NEDD9: variants seen among roughly 807,000 people sequenced by gnomAD.
NEDD9 encodes neural precursor cell expressed, developmentally down-regulated 9.
NEDD9 carries 26 observed loss-of-function variants against 76.6 expected under a neutral mutation model. The ratio of observed to expected loss-of-function variants is 0.34; its 90% CI spans 0.25 to 0.47. The LOEUF (loss-of-function observed/expected upper bound fraction) is 0.47. Ranked by LOEUF, NEDD9 falls within the 20% of genes least tolerant of loss-of-function variation. The pLI, the probability that NEDD9 is intolerant of heterozygous loss-of-function variation, is 1.00. For synonymous variants in NEDD9, 392 were observed against 414.2 expected, an observed-to-expected ratio of 0.95 and a Z score of 0.65; for missense variants, 937 against 1,058.5, an observed-to-expected ratio of 0.89 and a Z score of 1.59.
chr6:11,367,690 T>TC (rs56948572), intron 1 of NEDD9, among the ~76,000 whole-genome samples: 40,032 of 152,068 alleles, frequency 0.26, 6,506 homozygotes, highest in African/African-American at 0.47. Flanking sequence ...AACTTATTTT[T>TC]AGTGGAAAGT....
At chr6:11,195,770 G>C (rs969573531) in intron 2 of NEDD9, among the ~76,000 whole-genome samples, 56 of 152,366 alleles carry the variant, frequency 3.7e-4, no homozygotes, top group African/African-American at 1.3e-3. Flanking sequence ...CAAGGCGGGA[G>C]AATCACCTAA....
At chr6:11,232,152 C>A (rs767966031) in intron 1 of NEDD9, among the ~76,000 whole-genome samples, 1 of 152,194 alleles carries the variant, frequency 6.6e-6, no homozygotes, top group Non-Finnish European at 1.5e-5. Flanking sequence ...GAAGCCAGGC[C>A]TGGGGAAGCC....
At chr6:11,353,109 T>C (rs1011339963) in intron 1 of NEDD9, among the ~76,000 whole-genome samples, 2 of 152,240 alleles carry the variant, frequency 1.3e-5, no homozygotes, top group Non-Finnish European at 2.9e-5. Context: ...GAACATCCTC[T>C]GAGAACATCA....
In NEDD9 at chr6:11,185,524, A is replaced by G; in HGVS notation, c.2143T>C (p.Cys715Arg). 2 of 1,614,188 alleles carry G rather than the reference A, an allele frequency of 1.2e-6. No individual in the cohort carries two copies. Among genetic ancestry groups the G allele is most frequent in the Non-Finnish European group, 1.7e-6 (2 of 1,180,030 alleles). Reference sequence around the variant, plus strand: ...AGAAGGGAAATGAAATGGGTCTCACATTGGTCATAGTAGAAGCACAGCAAC... The same window carrying G: ...AGAAGGGAAATGAAATGGGTCTCACGTTGGTCATAGTAGAAGCACAGCAAC... ...RQLLCFYYDQ[C>R]ETHFISLLNA... Residue 715 changes from cysteine to arginine, a missense_variant, in exon 7 of 7, where the codon TGT becomes CGT. By Grantham distance (180) the Cys-to-Arg change is radical. Coordinates refer to ENST00000379446, the MANE Select transcript of NEDD9 (RefSeq NM_006403.4).
At chr6:11,187,300 T>C (rs1230133503) in intron 6 of NEDD9, among the ~76,000 whole-genome samples, 1 of 152,206 alleles carries the variant, frequency 6.6e-6, no homozygotes, top group Non-Finnish European at 1.5e-5. Context: ...AAAAGGCTTG[T>C]AAATAAATCC....
At chr6:11,295,397 T>C (rs918851647) in intron 3 of NEDD9, among the ~76,000 whole-genome samples, 2 of 152,230 alleles carry the variant, frequency 1.3e-5, no homozygotes, top group African/African-American at 4.8e-5. Flanking sequence ...AAGAAGATAA[T>C]GGTAAGTCCT....
rs186658770 is a variant in NEDD9, at chr6:11,198,765, G to A, written c.460-5073C>T. ...ATTAATCAACTAAAGGAAAACTGAA[G>A]GCTATTAAGCAAGATGGCGTGAGGT... On this transcript the variant is annotated intron_variant, in intron 2 of 6. Coordinates refer to ENST00000379446, the MANE Select transcript of NEDD9 (RefSeq NM_006403.4). This position sits in a 1 kb window ranked among gnomAD's most constrained non-coding sequence, Gnocchi z 4.7. 6.6e-6 allele frequency: 1 copy of A among 152,364 alleles called. No homozygotes were observed. Among genetic ancestry groups the A allele is most frequent in the African/African-American group, 2.4e-5 (1 of 41,580 alleles). The allele number at this position is 152,364 out of a possible 1,614,324, so 9.4% of individuals were successfully genotyped here.
At chr6:11,366,284 A>C (rs12201689) in intron 1 of NEDD9, among the ~76,000 whole-genome samples, 4,644 of 129,046 alleles carry the variant, frequency 0.036, 91 homozygotes, top group Non-Finnish European at 0.051. Flanking sequence ...GGAAGGAAGG[A>C]AGGAAGGAAG....
At chr6:11,314,590 T>C (rs1401035149) in intron 2 of NEDD9, among the ~76,000 whole-genome samples, 3 of 152,216 alleles carry the variant, frequency 2.0e-5, no homozygotes, top group Non-Finnish European at 2.9e-5. Flanking sequence ...GCTAATCCAC[T>C]TCATTTCCTA....
At chr6:11,264,806 G>A (rs1760174794) in intron 3 of NEDD9, among the ~76,000 whole-genome samples, 1 of 152,202 alleles carries the variant, frequency 6.6e-6, no homozygotes, top group Non-Finnish European at 1.5e-5. Flanking sequence ...AGTCAACAGT[G>A]AAAAGCACAG....
At chr6:11,351,403 C>T (rs1215108751) in intron 1 of NEDD9, among the ~76,000 whole-genome samples, 1 of 152,150 alleles carries the variant, frequency 6.6e-6, no homozygotes, top group African/African-American at 2.4e-5. Context: ...GGGTTCAGGA[C>T]ATATTGCCCC....
chr6:11,308,013 G>C lies in NEDD9; in HGVS notation c.-152-1858C>G, dbSNP rs186396028. On this transcript the variant is annotated intron_variant, in intron 2 of 3. Transcript: ENST00000397378. The stretch of plus-strand genomic sequence containing the variant: ...TTCTAGACCCCGTGCCAAGGACCAG[G>C]ACATTGGGACTTCCTGTTCAGACGA... Among the ~76,000 whole-genome samples, 4 of 152,158 alleles carry C rather than the reference G, an allele frequency of 2.6e-5. No homozygotes were observed. The East Asian group carries it at 7.7e-4, about 29-fold the overall frequency.
chr6:11,213,208 A>G lies in NEDD9; in HGVS notation c.459+73T>C. On this transcript the variant is annotated intron_variant, in intron 2 of 6. Transcript: ENST00000379446. The surrounding 1 kb of genome is among the most constrained non-coding windows in gnomAD (Gnocchi z 5.4). ...AGCTTCAAGTTATTAATTTGGGAACATTTCCAAATGCTCCAAGTGTAATGG... is the reference window on the plus strand; with the variant it reads ...AGCTTCAAGTTATTAATTTGGGAACGTTTCCAAATGCTCCAAGTGTAATGG... 1 of 1,377,630 alleles carries G rather than the reference A, an allele frequency of 7.3e-7. No homozygotes were observed. The highest frequency in any genetic ancestry group is 1.4e-5 in the South Asian group (1 of 70,246). 85.3% of individuals were successfully genotyped at this position (1,377,630 alleles called of 1,614,324 possible).
At chr6:11,283,383 T>C in intron 3 of NEDD9, among the ~76,000 whole-genome samples, 1 of 152,232 alleles carries the variant, frequency 6.6e-6, no homozygotes, top group South Asian at 2.1e-4. Context: ...AAACAATACC[T>C]GACCATGGTG....
intron 3 of NEDD9, among the ~76,000 whole-genome samples, chr6:11,279,259 G>A (rs1760480389): frequency 6.6e-6 from 1 of 152,206 alleles, no homozygotes; most frequent in South Asian, 2.1e-4. Flanking sequence ...GACTGCAGAT[G>A]TTTGTCAGAA....
At position 11,232,575 on chromosome 6, in the gene NEDD9, G is replaced by A; in HGVS notation, c.-60C>T. On this transcript the variant is annotated 5_prime_UTR_variant, in exon 1 of 7. Transcript: ENST00000379446. ...TAGTTAAGACAGCATTAAGCACTGC[G>A]GTGCCCGCCCCTCCATTGAGTGCAG... is the stretch of plus-strand genomic sequence containing the variant. 4 of 1,613,586 alleles carry A rather than the reference G, an allele frequency of 2.5e-6. No homozygotes were observed. The South Asian group carries it at 3.3e-5, about 13-fold the overall frequency.
At chr6:11,365,932 C>T (rs1348622489) in intron 1 of NEDD9, among the ~76,000 whole-genome samples, 2 of 151,124 alleles carry the variant, frequency 1.3e-5, no homozygotes, top group Non-Finnish European at 1.5e-5. Flanking sequence ...CAGAGGTTGC[C>T]GTGAGCCGAG....
At chr6:11,277,547 A>G (rs978442214) in intron 3 of NEDD9, among the ~76,000 whole-genome samples, 3 of 152,216 alleles carry the variant, frequency 2.0e-5, no homozygotes, top group Non-Finnish European at 4.4e-5. Context: ...GACAGAGGCC[A>G]GCTGGTGAGA....
intron 2 of NEDD9, among the ~76,000 whole-genome samples, chr6:11,307,388 G>C (rs1187327940): frequency 2.0e-5 from 3 of 152,158 alleles, no homozygotes; most frequent in Non-Finnish European, 4.4e-5. Flanking sequence ...CTAGGCAAGG[G>C]GACACAGGCC....
Sources: gnomAD v4.1 joint callset for allele counts (sites outside exome capture counted in the v4.1 genomes callset) on GRCh38, gnomAD v4.1.1 for gene constraint, Gnocchi (gnomAD v3.1) non-coding constraint, MANE v1.5 for transcripts, NCBI Gene and HGNC (gene_info 2026-07-23, HGNC 2026-07-21) for gene names.